DPP4: variants seen among roughly 807,000 people sequenced by gnomAD.
The protein encoded by DPP4 is dipeptidyl peptidase 4.
DPP4 carries 93 observed loss-of-function variants against 122.4 expected under a neutral mutation model. That is an observed-to-expected ratio of 0.76 (90% CI 0.64 to 0.90). DPP4 has a LOEUF of 0.90. Among genes scored for constraint, DPP4 ranks in the 40% least tolerant of loss-of-function variants. DPP4 has a pLI of 0.00. For missense variants in DPP4, 914 were observed against 907.3 expected (o/e 1.01, Z -0.09); for synonymous variants, 321 against 302.9 (o/e 1.06, Z -0.62).
At chr2:161,995,769 T>A (rs1700985049) in intron 23 of DPP4, among the ~76,000 whole-genome samples, 1 of 152,216 alleles carries the variant, frequency 6.6e-6, no homozygotes, top group African/African-American at 2.4e-5. Context: ...ATGGCAACCA[T>A]GTGTCACATG....
Position 162,074,125 on chromosome 2 carries a change from T to C in DPP4, c.-144A>G, listed in dbSNP as rs1450919725. ...CAAGTTTCGGCCCCGAGTTAAACAT[T>C]AGTGAGCGCCGAGCCCGCTGGGTAT... On this transcript the variant is annotated 5_prime_UTR_variant, in exon 1 of 26. Coordinates refer to ENST00000360534, the MANE Select transcript of DPP4 (RefSeq NM_001935.4). 13 of 1,415,174 alleles carry C rather than the reference T, an allele frequency of 9.2e-6. No individual in the cohort carries two copies. In the South Asian group the frequency reaches 1.3e-4, roughly 14 times the overall value. 87.7% of individuals were successfully genotyped at this position (1,415,174 alleles called of 1,614,324 possible). A position where few individuals can be genotyped will look rare whatever the true frequency, so the allele number is the denominator to read the frequency against.
chr2:162,011,264 C>A (rs773867035), intron 20 of DPP4, among the ~76,000 whole-genome samples: 4 of 152,054 alleles, frequency 2.6e-5, no homozygotes, highest in Admixed American at 6.6e-5. Flanking sequence ...CGTAACAGAG[C>A]CCTTATACAT....
chr2:162,034,445 A>G (rs1683692352), intron 9 of DPP4, among the ~76,000 whole-genome samples: 1 of 152,006 alleles, frequency 6.6e-6, no homozygotes, highest in South Asian at 2.1e-4. Context: ...AAGCAAATTG[A>G]GTGAGTTGGT....
chr2:162,009,724 G>T (rs1226988159), intron 20 of DPP4, among the ~76,000 whole-genome samples: 1 of 152,088 alleles, frequency 6.6e-6, no homozygotes, highest in Non-Finnish European at 1.5e-5. Context: ...AAACTTCTGA[G>T]TAAGGGCTTA....
chr2:162,039,472 T>C (rs934409402), intron 5 of DPP4, among the ~76,000 whole-genome samples: 10 of 152,096 alleles, frequency 6.6e-5, no homozygotes, highest in Admixed American at 6.6e-4. Context: ...GCACTCACCA[T>C]AGTGTGCTAA....
chr2:162,054,788 G>C lies in DPP4; in HGVS notation c.95-7287C>G, dbSNP rs887437116. Among the ~76,000 whole-genome samples, 6 of 152,202 alleles carry C rather than the reference G, an allele frequency of 3.9e-5. No homozygotes were observed. In the South Asian group the frequency reaches 1.2e-3, roughly 32 times the overall value. On this transcript the variant is annotated intron_variant, in intron 2 of 25. Transcript: ENST00000360534. Reference sequence around the variant, plus strand: ...TTGCTTATAAATTACCTAGTCTGTGGTATTTTGTTACAGCAGCACAAACTA... The same window carrying C: ...TTGCTTATAAATTACCTAGTCTGTGCTATTTTGTTACAGCAGCACAAACTA...
chr2:162,023,036 T>C (rs1037869798), intron 11 of DPP4, among the ~76,000 whole-genome samples: 1 of 152,204 alleles, frequency 6.6e-6, no homozygotes, highest in Admixed American at 6.5e-5. Flanking sequence ...AAATCCAGCA[T>C]GCACAAAACT....
Position 162,033,188 on chromosome 2 carries a change from C to T in DPP4, c.887+353G>A, listed in dbSNP as rs548577351. ...TGAGGATTCCCTGACCTCCCCTCAT[C>T]GGCCCCATCCATTTTGCTCTGCTCA... On this transcript the variant is annotated intron_variant, in intron 10 of 25. Transcript: ENST00000360534. Among the ~76,000 whole-genome samples the T allele has an allele frequency of 1.4e-3, 220 of 152,318 alleles. 1 individual carries two copies. Among genetic ancestry groups the T allele is most frequent in the African/African-American group, 4.8e-3 (200 of 41,576 alleles).
chr2:162,049,667 A>C (rs891453856), intron 2 of DPP4, among the ~76,000 whole-genome samples: 1 of 152,176 alleles, frequency 6.6e-6, no homozygotes, highest in South Asian at 2.1e-4. Flanking sequence ...AAAAAAACAG[A>C]TAAGAAGACT....
chr2:162,019,001 T>TTAA (rs936175727), intron 15 of DPP4, 151 bp from the exon 16 acceptor site: 7 of 1,035,422 alleles, frequency 6.8e-6, no homozygotes, highest in African/African-American at 1.6e-5. Flanking sequence ...AATACATGAA[T>TTAA]TAATAGTAAC....
At chr2:162,049,015 T>C (rs754646003) in intron 2 of DPP4, among the ~76,000 whole-genome samples, 7 of 152,176 alleles carry the variant, frequency 4.6e-5, no homozygotes, top group Non-Finnish European at 1.0e-4. Context: ...CCAGAGTATG[T>C]CCACTGATAA....
At chr2:162,057,522 G>A (rs1684617972) in intron 2 of DPP4, among the ~76,000 whole-genome samples, 1 of 152,162 alleles carries the variant, frequency 6.6e-6, no homozygotes, top group Non-Finnish European at 1.5e-5. Context: ...CCTTCTTGCT[G>A]ACAGCATGCA....
chr2:162,053,963 G>A (rs1201256633), intron 2 of DPP4, among the ~76,000 whole-genome samples: 1 of 152,114 alleles, frequency 6.6e-6, no homozygotes, highest in Non-Finnish European at 1.5e-5. Context: ...AGCCGGGAGA[G>A]TCACAGGCAC....
intron 12 of DPP4, among the ~76,000 whole-genome samples, chr2:162,021,991 A>T (rs1683150101): frequency 6.6e-6 from 1 of 152,204 alleles, no homozygotes; most frequent in Non-Finnish European, 1.5e-5. Flanking sequence ...TCCAAGAGGT[A>T]TAAAATCTTT....
intron 9 of DPP4, among the ~76,000 whole-genome samples, chr2:162,034,380 G>C (rs981777064): frequency 6.6e-6 from 1 of 152,008 alleles, no homozygotes; most frequent in Admixed American, 6.6e-5. Context: ...TTTAGTCTCT[G>C]ATCTTTTTTT....
chr2:162,058,410 A>T (rs1298180003), intron 2 of DPP4, among the ~76,000 whole-genome samples: 1 of 152,204 alleles, frequency 6.6e-6, no homozygotes, highest in African/African-American at 2.4e-5. Flanking sequence ...TGTAATATAC[A>T]TACTGACCTT....
chr2:162,022,091 T>C (rs1438664251), intron 12 of DPP4, among the ~76,000 whole-genome samples: 4 of 152,152 alleles, frequency 2.6e-5, no homozygotes, highest in African/African-American at 9.7e-5. Flanking sequence ...TCATCTACCA[T>C]GCAAGGTGAC....
Position 162,047,387 on chromosome 2 carries a change from C to T in DPP4, c.193+16G>A, listed in dbSNP as rs1684224542. 1 of 1,477,372 alleles carries T rather than the reference C, an allele frequency of 6.8e-7. No homozygotes were observed. Among genetic ancestry groups the T allele is most frequent in the South Asian group, 1.4e-5 (1 of 72,788 alleles). 91.5% of individuals were successfully genotyped at this position (1,477,372 alleles called of 1,614,324 possible). A position where few individuals can be genotyped will look rare whatever the true frequency, so the allele number is the denominator to read the frequency against. On this transcript the variant is annotated intron_variant, in intron 3 of 25. Coordinates refer to ENST00000360534, the MANE Select transcript of DPP4 (RefSeq NM_001935.4). ...AATGTAAGCATAAAATCTGCCCTACCCCAAAAAATTCTTACCTGAAATCCA... is the reference window on the plus strand; with the variant it reads ...AATGTAAGCATAAAATCTGCCCTACTCCAAAAAATTCTTACCTGAAATCCA...
intron 2 of DPP4, among the ~76,000 whole-genome samples, chr2:162,048,146 C>A (rs1011388185): frequency 6.6e-6 from 1 of 152,144 alleles, no homozygotes; most frequent in African/African-American, 2.4e-5. Context: ...ACATGCTGAT[C>A]ACCCAATTCA....
Sources: allele counts gnomAD v4.1 joint callset (sites outside exome capture counted in the v4.1 genomes callset), GRCh38; gene constraint gnomAD v4.1.1; transcripts MANE v1.5; gene names NCBI Gene and HGNC (gene_info 2026-07-23, HGNC 2026-07-21).